CACNA2D3: variants seen among roughly 807,000 people sequenced by gnomAD.
The protein encoded by CACNA2D3 is voltage-dependent calcium channel subunit alpha-2/delta-3.
Under a neutral mutation model 160.6 loss-of-function variants are expected in CACNA2D3, and 60 were observed. The observed-to-expected ratio is 0.37, with a 90% CI of 0.30 to 0.46. The LOEUF is 0.46. Ranked by LOEUF, CACNA2D3 falls within the 20% of genes least tolerant of loss-of-function variation. The pLI, the probability that CACNA2D3 is intolerant of heterozygous loss-of-function variation, is 1.00. For missense variants in CACNA2D3, 1,205 were observed against 1,365.0 expected, an observed-to-expected ratio of 0.88 and a Z score of 1.85; for synonymous variants, 558 against 492.9, an observed-to-expected ratio of 1.13 and a Z score of -1.75.
At chr3:54,410,370 AAAGAG>A (rs1004378688) in intron 4 of CACNA2D3, among the ~76,000 whole-genome samples, 3 of 152,018 alleles carry the variant, frequency 2.0e-5, no homozygotes, top group Non-Finnish European at 4.4e-5. Flanking sequence ...AAGAAAAAAA[AAAGAG>A]AGAGGAGAAT....
At chr3:54,195,503 T>C (rs1701062242) in intron 2 of CACNA2D3, among the ~76,000 whole-genome samples, 1 of 150,578 alleles carries the variant, frequency 6.6e-6, no homozygotes, top group South Asian at 2.1e-4. Context: ...TCAAAACTTT[T>C]ACAGTATTAA....
intron 8 of CACNA2D3, among the ~76,000 whole-genome samples, chr3:54,577,076 AG>A: frequency 6.6e-6 from 1 of 152,250 alleles, no homozygotes; most frequent in Non-Finnish European, 1.5e-5. Flanking sequence ...AAAGGAAAAA[AG>A]GCCTTATGTT....
chr3:54,468,193 G>A (rs183544011), intron 4 of CACNA2D3, among the ~76,000 whole-genome samples: 4 of 152,216 alleles, frequency 2.6e-5, no homozygotes, highest in African/African-American at 9.7e-5. Flanking sequence ...CGAGATCAAC[G>A]TAGAAGGCGG....
chr3:54,740,465 G>A (rs1356795497), intron 11 of CACNA2D3, among the ~76,000 whole-genome samples: 1 of 152,118 alleles, frequency 6.6e-6, no homozygotes, highest in African/African-American at 2.4e-5. Flanking sequence ...TGCTTCCATA[G>A]TGGGAGTTGA....
chr3:54,179,892 A>G (rs888415891), intron 2 of CACNA2D3, among the ~76,000 whole-genome samples: 4 of 152,136 alleles, frequency 2.6e-5, no homozygotes, highest in Admixed American at 6.5e-5. Context: ...CACCTAATCT[A>G]TGGTATTTTG....
At position 54,499,411 on chromosome 3, in the gene CACNA2D3, G is replaced by C. The variant is rs150843351; in HGVS notation, c.382-4081G>C. On this transcript the variant is annotated intron_variant, in intron 4 of 37. Transcript: ENST00000474759. ...TCTGTTTTTAATTTCATTGATTTCT[G>C]CTTTGCAGAATAAAAAATATACATT... Among the ~76,000 whole-genome samples, 354 of 152,028 alleles carry C rather than the reference G, an allele frequency of 2.3e-3. 1 individual carries two copies. The highest frequency in any genetic ancestry group is 4.2e-3 in the Non-Finnish European group (286 of 67,936).
chr3:54,963,278 G>A (rs970143304), intron 27 of CACNA2D3, among the ~76,000 whole-genome samples: 1 of 152,082 alleles, frequency 6.6e-6, no homozygotes, highest in Non-Finnish European at 1.5e-5. Context: ...CTGGGGAGTG[G>A]TAGTATGGAC....
chr3:54,459,912 CA>C (rs1204117673), intron 4 of CACNA2D3, among the ~76,000 whole-genome samples: 1 of 152,134 alleles, frequency 6.6e-6, no homozygotes, highest in Non-Finnish European at 1.5e-5. Flanking sequence ...TTAGGTCTAA[CA>C]TTTAAGTCTT....
chr3:54,952,178 C>T (rs1011541442), intron 27 of CACNA2D3, among the ~76,000 whole-genome samples: 1 of 152,184 alleles, frequency 6.6e-6, no homozygotes, highest in Admixed American at 6.5e-5. Context: ...CCTCCTGCAC[C>T]CCTGTTGGTT....
At chr3:54,123,488 C>T in intron 1 of CACNA2D3, 25 bp from the exon 2 acceptor site, 3 of 1,582,900 alleles carry the variant, frequency 1.9e-6, no homozygotes, top group Admixed American at 1.7e-5. Flanking sequence ...TGTTACATAT[C>T]TTCCTGTGCC....
intron 2 of CACNA2D3, among the ~76,000 whole-genome samples, chr3:54,128,907 G>A (rs182175975): frequency 1.4e-4 from 22 of 152,234 alleles, no homozygotes; most frequent in Admixed American, 1.4e-3. Context: ...GAGACATAAC[G>A]GCCTAGGTTT....
chr3:54,920,255 TTAC>T (rs1700802356), intron 27 of CACNA2D3, among the ~76,000 whole-genome samples: 1 of 152,214 alleles, frequency 6.6e-6, no homozygotes, highest in Non-Finnish European at 1.5e-5. Context: ...CTCTCTAAGC[TTAC>T]TACAAGATAA....
At chr3:54,822,790 C>CCTTCCTTT in intron 14 of CACNA2D3, among the ~76,000 whole-genome samples, 1 of 71,960 alleles carries the variant, frequency 1.4e-5, no homozygotes, top group East Asian at 4.6e-4. Context: ...TTCTTTCTTT[C>CCTTCCTTT]CTTTCTTTCT....
At chr3:55,022,260 G>T (rs1414178120) in intron 35 of CACNA2D3, among the ~76,000 whole-genome samples, 1 of 151,928 alleles carries the variant, frequency 6.6e-6, no homozygotes, top group Admixed American at 6.6e-5. Flanking sequence ...TGTCTATTTG[G>T]TTTGCTAATA....
chr3:54,246,919 C>T (rs1702092477), intron 2 of CACNA2D3, among the ~76,000 whole-genome samples: 1 of 152,138 alleles, frequency 6.6e-6, no homozygotes, highest in African/African-American at 2.4e-5. Context: ...TGGAGGTGTA[C>T]AACACCACAC....
intron 13 of CACNA2D3, among the ~76,000 whole-genome samples, chr3:54,793,584 G>A (rs961051982): frequency 7.0e-6 from 1 of 142,494 alleles, no homozygotes; most frequent in Admixed American, 7.2e-5. Flanking sequence ...CACTCTTGGT[G>A]ATGATGGGGC....
intron 4 of CACNA2D3, among the ~76,000 whole-genome samples, chr3:54,461,607 G>A (rs1393248981): frequency 1.3e-5 from 2 of 151,710 alleles, no homozygotes; most frequent in Non-Finnish European, 2.9e-5. Context: ...GTATTTCTGT[G>A]GAATCGGTGG....
Position 54,880,805 on chromosome 3 carries a change from G to A in CACNA2D3, c.1854G>A (p.Val618=). Residue 618 remains valine, a synonymous_variant, in exon 21 of 38, where the codon GTG becomes GTA. Transcript: ENST00000474759. ...DIKGTPFSLG[V]ALSRGHGKYF... ...TTGTCTCTCTGCACAGTTTAGGTGT[G>A]GCGCTTTCCAGAGGTCATGGGAAAT... is the stretch of plus-strand genomic sequence containing the variant. 6.2e-7 allele frequency: 1 copy of A among 1,613,708 alleles called. No homozygotes were observed. The highest frequency in any genetic ancestry group is 8.5e-7 in the Non-Finnish European group (1 of 1,179,644).
intron 2 of CACNA2D3, among the ~76,000 whole-genome samples, chr3:54,222,557 C>G (rs1701595053): frequency 6.6e-6 from 1 of 152,214 alleles, no homozygotes; most frequent in African/African-American, 2.4e-5. Context: ...ACTAAACACA[C>G]TAACCCTGTG....
Sources: allele counts gnomAD v4.1 joint callset (sites outside exome capture counted in the v4.1 genomes callset), GRCh38; gene constraint gnomAD v4.1.1; transcripts MANE v1.5; gene names NCBI Gene and HGNC (gene_info 2026-07-23, HGNC 2026-07-21).